AK4: variants seen among roughly 807,000 people sequenced by gnomAD.
AK4 encodes the protein adenylate kinase 4, mitochondrial.
In AK4, 13 loss-of-function variants were observed where a neutral mutation model predicts 24.6. That is an observed-to-expected ratio of 0.53 (90% confidence interval 0.34 to 0.84). The LOEUF is 0.84. Ranked by LOEUF, AK4 falls within the 40% of genes least tolerant of loss-of-function variation. AK4 has a pLI of 0.01. For missense variants in AK4, 192 were observed against 288.2 expected, an observed-to-expected ratio of 0.67 and a Z score of 2.42; for synonymous variants, 88 against 107.0, an observed-to-expected ratio of 0.82 and a Z score of 1.10.
At chr1:65,189,887 T>C (rs6704305) in intron 1 of AK4, among the ~76,000 whole-genome samples, 51,761 of 152,082 alleles carry the variant, frequency 0.34, 9,938 homozygotes, top group East Asian at 0.52. Flanking sequence ...GCTTTTACAA[T>C]TGTGTCAGCA....
chr1:65,156,957 A>G (rs949504152), intron 1 of AK4, among the ~76,000 whole-genome samples: 31 of 151,974 alleles, frequency 2.0e-4, no homozygotes, highest in African/African-American at 7.2e-4. Context: ...AAATTGAGAA[A>G]ATTTAAAAAT....
chr1:65,184,225 T>C (rs1426317449), intron 1 of AK4, among the ~76,000 whole-genome samples: 1 of 152,202 alleles, frequency 6.6e-6, no homozygotes. Flanking sequence ...ATGTAGAACA[T>C]TGATTTTCTT....
intron 2 of AK4, among the ~76,000 whole-genome samples, chr1:65,203,525 C>G (rs922269929): frequency 6.6e-6 from 1 of 151,994 alleles, no homozygotes; most frequent in African/African-American, 2.4e-5. Context: ...CCCTCTTGGC[C>G]TGGCGCGATG....
intron 1 of AK4, among the ~76,000 whole-genome samples, chr1:65,186,885 A>G (rs1651117167): frequency 6.6e-6 from 1 of 152,248 alleles, no homozygotes; most frequent in African/African-American, 2.4e-5. Context: ...ATTATTCATA[A>G]TAGCCAAAAA....
intron 3 of AK4, among the ~76,000 whole-genome samples, chr1:65,219,734 A>G (rs947890327): frequency 4.6e-5 from 7 of 152,210 alleles, no homozygotes; most frequent in Non-Finnish European, 8.8e-5. Flanking sequence ...ACTAATATAG[A>G]AAAGTTATTA....
chr1:65,169,438 G>A (rs1650439403), intron 1 of AK4, among the ~76,000 whole-genome samples: 1 of 152,152 alleles, frequency 6.6e-6, no homozygotes, highest in Admixed American at 6.6e-5. Flanking sequence ...TTTCGATCCT[G>A]ATTTGACCAC....
At chr1:65,159,335 CAAAT>C (rs1650079000) in intron 1 of AK4, among the ~76,000 whole-genome samples, 2 of 152,174 alleles carry the variant, frequency 1.3e-5, no homozygotes, top group South Asian at 4.1e-4. Context: ...ATTTGCTTTA[CAAAT>C]AAATAAATGG....
intron 1 of AK4, among the ~76,000 whole-genome samples, chr1:65,183,167 T>C (rs2101028748): frequency 6.6e-6 from 1 of 152,276 alleles, no homozygotes; most frequent in East Asian, 1.9e-4. Flanking sequence ...GGGAACAGTG[T>C]ACCTTTTTTT....
chr1:65,214,760 A>G (rs1488950669), intron 2 of AK4, among the ~76,000 whole-genome samples: 1 of 152,120 alleles, frequency 6.6e-6, no homozygotes, highest in Non-Finnish European at 1.5e-5. Flanking sequence ...CACTTTCCTT[A>G]GAGGTAAGAT....
At chr1:65,185,040 T>C (rs367786059) in intron 1 of AK4, among the ~76,000 whole-genome samples, 17 of 152,290 alleles carry the variant, frequency 1.1e-4, no homozygotes, top group African/African-American at 4.1e-4. Flanking sequence ...ATTTTAAACT[T>C]GGGGTCGTAC....
chr1:65,154,892 C>T (rs1252882500), intron 1 of AK4, among the ~76,000 whole-genome samples: 1 of 150,752 alleles, frequency 6.6e-6, no homozygotes, highest in African/African-American at 2.5e-5. Context: ...CTCTTGTCAT[C>T]CAGGCTGGAG....
chr1:65,155,662 A>G (rs1271678434), intron 1 of AK4, among the ~76,000 whole-genome samples: 1 of 146,498 alleles, frequency 6.8e-6, no homozygotes, highest in Non-Finnish European at 1.5e-5. Flanking sequence ...TTTTTTTTAG[A>G]TGGAGTTTTG....
chr1:65,166,730 A>G (rs886717907), intron 1 of AK4, among the ~76,000 whole-genome samples: 1 of 152,186 alleles, frequency 6.6e-6, no homozygotes. Flanking sequence ...TATGTTGCCC[A>G]GGCTGGTCTT....
At chr1:65,179,716 T>C (rs1387029074) in intron 1 of AK4, among the ~76,000 whole-genome samples, 1 of 152,108 alleles carries the variant, frequency 6.6e-6, no homozygotes, top group Non-Finnish European at 1.5e-5. Context: ...GTGCCTGTAG[T>C]CTCAGCTACT....
At chr1:65,219,776 G>A (rs28404333) in intron 3 of AK4, among the ~76,000 whole-genome samples, 2,892 of 152,158 alleles carry the variant, frequency 0.019, 95 homozygotes, top group African/African-American at 0.067. Flanking sequence ...TGACGTTTTC[G>A]TTTTTTATAG....
chr1:65,190,942 A>T, intron 2 of AK4, 113 bp downstream of exon 2: 4 of 1,318,138 alleles, frequency 3.0e-6, no homozygotes, highest in Non-Finnish European at 4.0e-6. Context: ...ACTTTCTGTC[A>T]TTTATTTAAT....
chr1:65,170,999 C>A (rs1366828551), intron 1 of AK4, among the ~76,000 whole-genome samples: 1 of 146,470 alleles, frequency 6.8e-6, no homozygotes, highest in Non-Finnish European at 1.5e-5. Context: ...GCTTTGCCAT[C>A]CAGGCTGGAG....
intron 1 of AK4, among the ~76,000 whole-genome samples, chr1:65,187,977 C>A (rs2101036559): frequency 6.6e-6 from 1 of 152,302 alleles, no homozygotes; most frequent in East Asian, 1.9e-4. Flanking sequence ...GTGTTTTGAG[C>A]TACTTGTCTA....
At position 65,226,228 on chromosome 1, in the gene AK4, G is replaced by A; in HGVS notation, c.*51G>A. The A allele has an allele frequency of 3.5e-6, 5 of 1,434,724 alleles. No individual in the cohort carries two copies. The highest frequency in any genetic ancestry group is 4.7e-6 in the Non-Finnish European group (5 of 1,054,530). 88.9% of individuals were successfully genotyped at this position (1,434,724 alleles called of 1,614,324 possible). On this transcript the variant is annotated 3_prime_UTR_variant, in exon 5 of 5. Coordinates refer to ENST00000327299, the MANE Select transcript of AK4 (RefSeq NM_013410.4). The stretch of plus-strand genomic sequence containing the variant: ...GATGTGGTCATTCATTCAATAGTGT[G>A]TGTAGTATTGGTGCTGTGTCCAAAT...
Sources: gnomAD v4.1 joint callset for allele counts (sites outside exome capture counted in the v4.1 genomes callset) on GRCh38, gnomAD v4.1.1 for gene constraint, MANE v1.5 for transcripts, NCBI Gene and HGNC (gene_info 2026-07-23, HGNC 2026-07-21) for gene names.